The following COL9A3 variants were observed in gnomAD, a reference collection of about 807,000 sequenced individuals.
COL9A3 encodes collagen alpha-3(IX) chain.
A neutral mutation model predicts 110.2 loss-of-function variants in COL9A3; 82 were observed. That is an observed-to-expected ratio of 0.74 (90% CI 0.62 to 0.89). The LOEUF (loss-of-function observed/expected upper bound fraction) is 0.89, where lower values mean the gene tolerates loss of function less well. COL9A3 is among the 40% of genes least tolerant of loss of function. The pLI is 0.00. For missense variants in COL9A3, 1,066 were observed against 981.3 expected (o/e 1.09, Z -1.15); for synonymous variants, 494 against 403.8 (o/e 1.22, Z -2.68).
In COL9A3 at chr20:62,840,547, C is replaced by A; in HGVS notation, c.1870C>A (p.Gln624Lys). 1 of 1,611,790 alleles carries A rather than the reference C, an allele frequency of 6.2e-7. No individual in the cohort carries two copies. The highest frequency in any genetic ancestry group is 1.1e-5 in the South Asian group (1 of 91,012). Reference sequence around the variant, plus strand: ...CCTTTCTGCTCTGTCCCAAGGACCCCAAGGCGTGCCCGGCACCAGCAAGGA... The same window carrying A: ...CCTTTCTGCTCTGTCCCAAGGACCCAAAGGCGTGCCCGGCACCAGCAAGGA... ...PEGDQGPQGP[Q>K]GVPGTSKDGQ... The change falls in exon 32 of 32, where the codon CAA (glutamine) becomes AAA (lysine). Residue 624 changes from glutamine to lysine, a missense_variant. Transcript: ENST00000649368.
At chr20:62,824,638 C>A in intron 11 of COL9A3, 137 bp downstream of exon 11, 3 of 942,634 alleles carry the variant, frequency 3.2e-6, no homozygotes, top group Non-Finnish European at 3.3e-6. Context: ...GAAAGCTAGG[C>A]CAGCCTCCTT....
chr20:62,839,600 T>TTCTCC (rs1260989144), intron 31 of COL9A3, among the ~76,000 whole-genome samples: 9 of 141,432 alleles, frequency 6.4e-5, no homozygotes, highest in Non-Finnish European at 1.3e-4. Flanking sequence ...CCCTGGAGCC[T>TTCTCC]TCTCCTCTCC....
chr20:62,832,865 G>C (rs1214899191), intron 25 of COL9A3, 155 bp from the exon 26 acceptor site: 2 of 595,716 alleles, frequency 3.4e-6, no homozygotes, highest in Admixed American at 2.7e-5. Context: ...GCTGTGTTTG[G>C]AGCGGGTTAA....
chr20:62,829,395 G>T lies in COL9A3; in HGVS notation c.1009-60G>T. On this transcript the variant is annotated intron_variant, in intron 19 of 31. Transcript: ENST00000649368. ...CACCCTGCCTGCGTGCACGCCCCTG[G>T]GTGCTGCTGCCGGCGTGCAATGTAA... is the stretch of plus-strand genomic sequence containing the variant. 5 of 1,608,182 alleles carry T rather than the reference G, an allele frequency of 3.1e-6. No homozygotes were observed. The South Asian group carries it at 5.5e-5, about 18-fold the overall frequency.
intron 3 of COL9A3, 144 bp from the exon 4 acceptor site, chr20:62,819,078 C>T: frequency 1.2e-6 from 1 of 858,806 alleles, no homozygotes; most frequent in Non-Finnish European, 1.9e-6. Context: ...GCCGGGTCTG[C>T]CAGACAGTAG....
rs770072884 is a variant in COL9A3 at position 62,830,368 on chromosome 20, C to T, written c.1170C>T (p.Leu390=). 33 of 1,572,188 alleles carry T rather than the reference C, an allele frequency of 2.1e-5. No individual in the cohort carries two copies. The highest frequency in any genetic ancestry group is 1.8e-4 in the Admixed American group (10 of 54,236). The change falls in exon 23 of 32, where the codon CTC becomes CTT. Residue 390 remains leucine (L), a synonymous_variant. Transcript: ENST00000649368. ...EAGHRGSAGA[L]GPQGPPGAPG... Reference sequence around the variant, plus strand: ...TCACCTTTGTCTTCCAGGGGGCCCTCGGCCCACAAGGCCCTCCCGGAGCCC... The same window carrying T: ...TCACCTTTGTCTTCCAGGGGGCCCTTGGCCCACAAGGCCCTCCCGGAGCCC...
intron 30 of COL9A3, 123 bp downstream of exon 30, chr20:62,837,388 C>T: frequency 9.5e-7 from 1 of 1,053,264 alleles, no homozygotes; most frequent in Non-Finnish European, 1.4e-6. Flanking sequence ...AACGTGGGGG[C>T]CTCTCATGTT....
intron 10 of COL9A3, among the ~76,000 whole-genome samples, chr20:62,823,783 C>G (rs576089172): frequency 9.8e-5 from 15 of 152,390 alleles, no homozygotes; most frequent in Non-Finnish European, 2.1e-4. Flanking sequence ...CATTCCTGTG[C>G]TGAGGATGGG....
intron 5 of COL9A3, among the ~76,000 whole-genome samples, chr20:62,820,812 C>T (rs1183353704): frequency 6.6e-6 from 1 of 152,154 alleles, no homozygotes; most frequent in African/African-American, 2.4e-5. Flanking sequence ...GGCCTGGCTG[C>T]CCAAGGCTCT....
At chr20:62,820,760 G>GCAGGGGCCAGA (rs1039924022) in intron 5 of COL9A3, among the ~76,000 whole-genome samples, 6 of 152,196 alleles carry the variant, frequency 3.9e-5, no homozygotes, top group Non-Finnish European at 7.3e-5. Context: ...ATTTCAGGCA[G>GCAGGGGCCAGA]CAGGGGCCAG....
At chr20:62,837,038 A>G (rs753222534) in intron 29 of COL9A3, 45 bp from the exon 30 acceptor site, 5 of 1,604,950 alleles carry the variant, frequency 3.1e-6, no homozygotes, top group Non-Finnish European at 3.4e-6. Context: ...AATACTTCTG[A>G]TGATCCTCTC....
At chr20:62,827,409 G>C (rs914668703) in intron 16 of COL9A3, 115 bp downstream of exon 16, 14 of 1,109,714 alleles carry the variant, frequency 1.3e-5, no homozygotes, top group Non-Finnish European at 1.7e-5. Flanking sequence ...GGGGCTGCCT[G>C]GGTGGGCCTG....
chr20:62,819,526 T>C (rs928130529), intron 4 of COL9A3, among the ~76,000 whole-genome samples: 3 of 152,138 alleles, frequency 2.0e-5, no homozygotes, highest in Non-Finnish European at 4.4e-5. Flanking sequence ...CAGCCCTCCT[T>C]GCTTGTCCAG....
At chr20:62,824,243 C>T (rs1186419248) in intron 10 of COL9A3, among the ~76,000 whole-genome samples, 1 of 147,176 alleles carries the variant, frequency 6.8e-6, no homozygotes, top group African/African-American at 2.5e-5. Flanking sequence ...CCTGGGGTCC[C>T]ATCATCTGTG....
At chr20:62,819,441 C>G (rs1991048189) in intron 4 of COL9A3, 148 bp downstream of exon 4, 1 of 776,014 alleles carries the variant, frequency 1.3e-6, no homozygotes, top group Non-Finnish European at 2.2e-6. Flanking sequence ...CAACAGGGGT[C>G]CTTTGGCCTT....
upstream of COL9A3, chr20:62,816,954 G>A: frequency 1.7e-6 from 1 of 575,896 alleles, no homozygotes; most frequent in Non-Finnish European, 2.4e-6. Flanking sequence ...GCTGAATGGG[G>A]GGCTTGTGCA....
In COL9A3 at chr20:62,841,081, T is replaced by C. The variant is rs2063675157; in HGVS notation, c.*349T>C. ...ATGATCTCATCCCAATAAAATGATA[T>C]ATTAAACCTTCAGATTAATGACTGG... On this transcript the variant is annotated 3_prime_UTR_variant, in exon 32 of 32. Transcript: ENST00000649368. 2 of 250,134 alleles carry C rather than the reference T, an allele frequency of 8.0e-6. No homozygotes were observed. Among genetic ancestry groups the C allele is most frequent in the Non-Finnish European group, 1.6e-5 (2 of 126,772 alleles). 15.5% of individuals were successfully genotyped at this position (250,134 alleles called of 1,614,324 possible). A position where few individuals can be genotyped will look rare whatever the true frequency, so the allele number is the denominator to read the frequency against.
rs975409255 is a variant in COL9A3 at position 62,833,037 on chromosome 20, C to T, written c.1341C>T (p.Asp447=). ...PKGDQGIAGS[D]GLPGDKGELG... ...GTTTTCAGGGTATTGCAGGTTCCGA[C>T]GGTCTTCCTGGGGATAAAGGAGAAC... Residue 447 remains aspartate (D), a synonymous_variant, in exon 26 of 32, where the codon GAC becomes GAT. Coordinates refer to ENST00000649368, the MANE Select transcript of COL9A3 (RefSeq NM_001853.4). 6.2e-6 allele frequency: 10 copies of T among 1,613,830 alleles called. No homozygotes were observed. Among genetic ancestry groups the T allele is most frequent in the South Asian group, 2.2e-5 (2 of 91,080 alleles).
chr20:62,821,488 C>T lies in COL9A3; in HGVS notation c.346-19C>T, dbSNP rs199940406. ...CTTCTTGTGCCTGGCAGGCTCTGAC[C>T]CCATGTTTGGCTTTGCAGGGCAAAG... On this transcript the variant is annotated intron_variant, in intron 6 of 31. Transcript: ENST00000649368. The T allele has an allele frequency of 1.7e-4, 267 of 1,612,806 alleles. No individual in the cohort carries two copies. Among genetic ancestry groups the T allele is most frequent in the African/African-American group, 5.2e-4 (39 of 74,914 alleles).
Sources: gnomAD v4.1 joint callset for allele counts (sites outside exome capture counted in the v4.1 genomes callset) on GRCh38, gnomAD v4.1.1 for gene constraint, MANE v1.5 for transcripts, NCBI Gene and HGNC (gene_info 2026-07-23, HGNC 2026-07-21) for gene names.